Variants in MIR2052HG observed in about 807,000 individuals in gnomAD.
The protein encoded by MIR2052HG is MIR2052 host gene.
At chr8:74,691,046 G>A (rs774844473) in intron 2 of MIR2052HG, among the ~76,000 whole-genome samples, 1 of 151,998 alleles carries the variant, frequency 6.6e-6, no homozygotes, top group Non-Finnish European at 1.5e-5. Flanking sequence ...TTCAAAATAG[G>A]GTATAACCAC....
chr8:74,750,192 G>A (rs1377041618), intron 4 of MIR2052HG, among the ~76,000 whole-genome samples: 1 of 152,192 alleles, frequency 6.6e-6, no homozygotes, highest in Non-Finnish European at 1.5e-5. Flanking sequence ...ATATCTAGCA[G>A]TAATATTTTA....
intron 2 of MIR2052HG, among the ~76,000 whole-genome samples, chr8:74,631,755 A>G (rs1002331784): frequency 3.3e-5 from 5 of 152,168 alleles, no homozygotes; most frequent in Admixed American, 2.6e-4. Context: ...TCCAAGGTCA[A>G]GGCACCAGCA....
chr8:74,750,080 C>T (rs975830812), intron 4 of MIR2052HG, among the ~76,000 whole-genome samples: 2 of 152,032 alleles, frequency 1.3e-5, no homozygotes, highest in Admixed American at 1.3e-4. Flanking sequence ...ACAAGCTTGT[C>T]AATGGTGACT....
chr8:74,654,705 T>C lies in MIR2052HG; in HGVS notation n.216+41765T>C, dbSNP rs1808786606. Among the ~76,000 whole-genome samples, 3 of 152,144 alleles carry C rather than the reference T, an allele frequency of 2.0e-5. No individual in the cohort carries two copies. The South Asian group carries it at 6.2e-4, about 32-fold the overall frequency. On this transcript the variant is annotated intron_variant and non_coding_transcript_variant, in intron 2 of 6. Coordinates refer to ENST00000523442, the Ensembl canonical transcript of MIR2052HG. ...AACCATTTTTCTTCCCAGTCTTGAG[T>C]ATGTCTTTATTAGCAGTGTGAAAAT...
intron 2 of MIR2052HG, among the ~76,000 whole-genome samples, chr8:74,692,596 C>T (rs540658486): frequency 6.6e-6 from 1 of 152,316 alleles, no homozygotes; most frequent in South Asian, 2.1e-4. Flanking sequence ...TTATTTGGTA[C>T]ATTTTCCCAG....
chr8:74,654,681 AC>A (rs1233461264), intron 2 of MIR2052HG, among the ~76,000 whole-genome samples: 2 of 151,988 alleles, frequency 1.3e-5, no homozygotes, highest in Non-Finnish European at 2.9e-5. Context: ...GTCCAATTAA[AC>A]CATTTTTCTT....
chr8:74,626,834 C>A (rs1360014922), intron 2 of MIR2052HG, among the ~76,000 whole-genome samples: 1 of 152,206 alleles, frequency 6.6e-6, no homozygotes, highest in Non-Finnish European at 1.5e-5. Context: ...ACACTGCAGC[C>A]AGACTGACCT....
chr8:74,725,992 G>C (rs1456506168), intron 4 of MIR2052HG, among the ~76,000 whole-genome samples: 2 of 152,040 alleles, frequency 1.3e-5, no homozygotes, highest in African/African-American at 4.8e-5. Flanking sequence ...AGGAGTTTGA[G>C]ACCAGTCTGG....
intron 2 of MIR2052HG, among the ~76,000 whole-genome samples, chr8:74,647,060 A>G (rs761316857): frequency 7.2e-5 from 11 of 152,222 alleles, no homozygotes; most frequent in Non-Finnish European, 1.5e-4. Flanking sequence ...GTCTGTGTGC[A>G]GGAGGCACAA....
At chr8:74,677,830 A>C (rs983608227) in intron 2 of MIR2052HG, among the ~76,000 whole-genome samples, 5 of 152,274 alleles carry the variant, frequency 3.3e-5, no homozygotes, top group Admixed American at 6.5e-5. Context: ...CTATAGTAAA[A>C]AAAATTTATA....
chr8:74,611,652 T>C (rs1426502049), intron 1 of MIR2052HG, among the ~76,000 whole-genome samples: 2 of 152,220 alleles, frequency 1.3e-5, no homozygotes, highest in East Asian at 3.8e-4. Flanking sequence ...AATACTTTTC[T>C]TTTTTACTTT....
chr8:74,737,357 T>C (rs980221385), intron 4 of MIR2052HG, among the ~76,000 whole-genome samples: 11 of 152,202 alleles, frequency 7.2e-5, no homozygotes, highest in African/African-American at 2.4e-4. Flanking sequence ...TTCTGTATCC[T>C]GCCCTTGAGC....
intron 2 of MIR2052HG, among the ~76,000 whole-genome samples, chr8:74,631,915 C>T (rs1396119968): frequency 6.6e-6 from 1 of 152,162 alleles, no homozygotes; most frequent in African/African-American, 2.4e-5. Flanking sequence ...GCACAAATCT[C>T]ATTCATGAGG....
chr8:74,732,860 T>C (rs754585796), intron 4 of MIR2052HG, among the ~76,000 whole-genome samples: 1 of 151,850 alleles, frequency 6.6e-6, no homozygotes, highest in Admixed American at 6.6e-5. Context: ...GAGGCAGAAA[T>C]GGGGTTGAGG....
In MIR2052HG at chr8:74,662,858, T is replaced by TTGTGTG. The variant is rs68089808; in HGVS notation, n.217-39490_217-39485dup. On this transcript the variant is annotated intron_variant and non_coding_transcript_variant, in intron 2 of 6. Transcript: ENST00000523442. ...CATTTTTCTCCTAGAAATGACTCAT[T>TTGTGTG]TGTGTGTGTGTGTGTGTGTGTGTGT... is the stretch of plus-strand genomic sequence containing the variant. Among the ~76,000 whole-genome samples the TTGTGTG allele has an allele frequency of 2.2e-3, 313 of 144,294 alleles. 3 individuals are homozygous for TTGTGTG. The highest frequency in any genetic ancestry group is 6.7e-3 in the African/African-American group (262 of 39,384). 94.7% of individuals were successfully genotyped at this position (144,294 alleles called of 152,430 possible).
At chr8:74,725,720 T>G (rs961311428) in intron 4 of MIR2052HG, among the ~76,000 whole-genome samples, 1 of 152,206 alleles carries the variant, frequency 6.6e-6, no homozygotes, top group Non-Finnish European at 1.5e-5. Flanking sequence ...TGAAGGTTCT[T>G]CTGCTGCTGT....
intron 2 of MIR2052HG, among the ~76,000 whole-genome samples, chr8:74,653,072 C>T (rs1808770166): frequency 6.6e-6 from 1 of 152,088 alleles, no homozygotes; most frequent in African/African-American, 2.4e-5. Flanking sequence ...CCCCCTTTTC[C>T]CTATTTTCTT....
chr8:74,749,706 G>T (rs1394539327), intron 4 of MIR2052HG, among the ~76,000 whole-genome samples: 1 of 151,986 alleles, frequency 6.6e-6, no homozygotes, highest in Non-Finnish European at 1.5e-5. Context: ...AAAATTAGCT[G>T]GGTATGGTGT....
chr8:74,639,257 C>T (rs950090743), intron 2 of MIR2052HG, among the ~76,000 whole-genome samples: 2 of 152,112 alleles, frequency 1.3e-5, no homozygotes, highest in Admixed American at 1.3e-4. Flanking sequence ...GAATTCCATC[C>T]ACATTTTAAG....
Sources: gnomAD v4.1 joint callset for allele counts (sites outside exome capture counted in the v4.1 genomes callset) on GRCh38, gnomAD v4.1.1 for gene constraint, MANE v1.5 for transcripts, NCBI Gene and HGNC (gene_info 2026-07-23, HGNC 2026-07-21) for gene names.